Variants in ASTN2 observed in about 807,000 individuals in gnomAD.
ASTN2 encodes astrotactin-2.
In ASTN2, 54 loss-of-function variants were observed where a neutral mutation model predicts 139.8. The ratio of observed to expected loss-of-function variants is 0.39; its 90% CI spans 0.31 to 0.48. ASTN2 has a LOEUF of 0.48. ASTN2 is among the 20% of genes least tolerant of loss of function. The probability of loss-of-function intolerance (pLI) is 0.95; values close to 1 mark genes in which losing one functional copy is unlikely to be tolerated. For synonymous variants in ASTN2, 756 were observed against 719.5 expected (o/e 1.05, Z -0.81); for missense variants, 1,565 against 1,725.1 (o/e 0.91, Z 1.64).
intron 21 of ASTN2, 69 bp downstream of exon 21, chr9:116,442,384 T>C (rs1847866289): frequency 8.3e-7 from 1 of 1,206,626 alleles, no homozygotes; most frequent in African/African-American, 1.5e-5. Flanking sequence ...TAATGATTAG[T>C]GACTGTTGGG....
intron 17 of ASTN2, among the ~76,000 whole-genome samples, chr9:116,650,564 A>T (rs999354520): frequency 2.6e-5 from 4 of 152,196 alleles, no homozygotes; most frequent in Non-Finnish European, 5.9e-5. Context: ...AATGTCAGCA[A>T]TTTCATATGA....
At chr9:117,369,418 G>C (rs1324238800) in intron 1 of ASTN2, among the ~76,000 whole-genome samples, 1 of 151,932 alleles carries the variant, frequency 6.6e-6, no homozygotes, top group Non-Finnish European at 1.5e-5. Context: ...TACTCTTTAC[G>C]ATAACCCTGC....
chr9:117,362,095 C>A (rs1477562914), intron 1 of ASTN2, among the ~76,000 whole-genome samples: 1 of 152,180 alleles, frequency 6.6e-6, no homozygotes, highest in African/African-American at 2.4e-5. Flanking sequence ...CTGCCTTAGC[C>A]TCCCAAGTGG....
At position 117,279,598 on chromosome 9, in the gene ASTN2, A is replaced by G. The variant is rs145408688; in HGVS notation, c.630+11728T>C. Reference sequence around the variant, plus strand: ...TCCAGGCAGTTCTGTCCCAAAGTCAACATTCTTGTTTTGGGTTTTAGCCTT... The same window carrying G: ...TCCAGGCAGTTCTGTCCCAAAGTCAGCATTCTTGTTTTGGGTTTTAGCCTT... On this transcript the variant is annotated intron_variant, in intron 2 of 22. Coordinates refer to ENST00000313400, the MANE Select transcript of ASTN2 (RefSeq NM_001365068.1). Among the ~76,000 whole-genome samples, 490 of 152,346 alleles carry G rather than the reference A, an allele frequency of 3.2e-3. 2 individuals are homozygous for G. Among genetic ancestry groups the G allele is most frequent in the Middle Eastern group, 0.02 (6 of 294 alleles).
intron 1 of ASTN2, among the ~76,000 whole-genome samples, chr9:117,384,072 G>A (rs985978982): frequency 6.6e-6 from 1 of 152,198 alleles, no homozygotes; most frequent in East Asian, 1.9e-4. Flanking sequence ...GCCAGCTGCA[G>A]TGCTACCTGG....
At chr9:116,790,677 ATTTT>A (rs372460577) in intron 13 of ASTN2, among the ~76,000 whole-genome samples, 3 of 138,214 alleles carry the variant, frequency 2.2e-5, no homozygotes, top group Non-Finnish European at 4.7e-5. Flanking sequence ...ATCTCCAGAG[ATTTT>A]TTTTTTTTTT....
In ASTN2 at chr9:116,620,447, G is replaced by C; in HGVS notation, c.3073-4C>G. 1 of 1,612,732 alleles carries C rather than the reference G, an allele frequency of 6.2e-7. No homozygotes were observed. The highest frequency in any genetic ancestry group is 8.5e-7 in the Non-Finnish European group (1 of 1,179,674). On this transcript the variant is annotated splice_polypyrimidine_tract_variant and splice_region_variant and intron_variant, in intron 17 of 22. Transcript: ENST00000313400. The stretch of plus-strand genomic sequence containing the variant: ...TCATCAGTGCACTCTTGAAGGCCTG[G>C]ACAAAAAAAGAGGACAGAATAGACA...
intron 10 of ASTN2, among the ~76,000 whole-genome samples, chr9:116,929,250 G>C (rs910550636): frequency 6.6e-6 from 1 of 152,136 alleles, no homozygotes; most frequent in South Asian, 2.1e-4. Context: ...GAGAAGAGGC[G>C]GAAGTGTGGC....
chr9:116,767,539 G>A (rs1829842663), intron 13 of ASTN2, among the ~76,000 whole-genome samples: 1 of 152,198 alleles, frequency 6.6e-6, no homozygotes, highest in Non-Finnish European at 1.5e-5. Context: ...TAATAGCACA[G>A]TAACAAGGAG....
Position 116,568,196 on chromosome 9 carries a change from CA to C in ASTN2, c.3355+50127del, listed in dbSNP as rs548033789. Among the ~76,000 whole-genome samples the C allele has an allele frequency of 4.9e-3, 737 of 151,564 alleles. 5 individuals carry two copies. Among genetic ancestry groups the C allele is most frequent in the African/African-American group, 0.017 (715 of 41,342 alleles). ...CCAGGATATTAGAAAATGTATAATG[CA>C]AAAAAAATTAAGAAATGATTCTGAG... On this transcript the variant is annotated intron_variant, in intron 19 of 22. Transcript: ENST00000313400.
chr9:116,490,265 TAAAAAGTAAAAAAAAAA>T lies in ASTN2; in HGVS notation c.3356-2782_3356-2766del, dbSNP rs1391210482. ...ACAAATTCCAGAGCAATGTATGTGA[TAAAAAGTAAAAAAAAAA>T]AAAAAAAAAAAAAAAAAAAAAGGGG... On this transcript the variant is annotated intron_variant, in intron 19 of 22. Coordinates refer to ENST00000313400, the MANE Select transcript of ASTN2 (RefSeq NM_001365068.1). 1.4e-4 allele frequency among the ~76,000 whole-genome samples: 5 copies of T among 36,510 alleles called. No homozygotes were observed. In the South Asian group the frequency reaches 3.8e-3, roughly 28 times the overall value. The allele number at this position is 36,510 out of a possible 152,430, so 24.0% of individuals were successfully genotyped here.
intron 3 of ASTN2, among the ~76,000 whole-genome samples, chr9:117,145,312 G>T (rs1291542725): frequency 6.6e-6 from 1 of 152,160 alleles, no homozygotes; most frequent in Non-Finnish European, 1.5e-5. Flanking sequence ...TGCTGGCAGA[G>T]CAGAGGCAGC....
At chr9:116,662,826 C>CA (rs1858639240) in intron 16 of ASTN2, among the ~76,000 whole-genome samples, 1 of 152,104 alleles carries the variant, frequency 6.6e-6, no homozygotes, top group Admixed American at 6.6e-5. Context: ...ATCCTCACAA[C>CA]AGTGCCTTGG....
intron 11 of ASTN2, among the ~76,000 whole-genome samples, chr9:116,853,461 A>G (rs1536427): frequency 0.81 from 122,491 of 152,090 alleles, 49,438 homozygotes; most frequent in East Asian, 0.96. Context: ...GCTTGGCACA[A>G]CCACTAAAAG....
intron 10 of ASTN2, among the ~76,000 whole-genome samples, chr9:116,912,268 C>T (rs1057187641): frequency 9.2e-5 from 14 of 152,244 alleles, no homozygotes; most frequent in African/African-American, 3.1e-4. Context: ...AAACCACTTT[C>T]TGTCTCAAAC....
At chr9:116,430,042 G>A (rs780283067) in intron 22 of ASTN2, among the ~76,000 whole-genome samples, 2 of 152,146 alleles carry the variant, frequency 1.3e-5, no homozygotes, top group Non-Finnish European at 2.9e-5. Flanking sequence ...AGCTTGGCAG[G>A]GATCAGACCA....
chr9:117,382,418 T>C (rs1357917959), intron 1 of ASTN2, among the ~76,000 whole-genome samples: 2 of 152,224 alleles, frequency 1.3e-5, no homozygotes. Flanking sequence ...TATCCATGTT[T>C]CTTTTTATGC....
intron 11 of ASTN2, among the ~76,000 whole-genome samples, chr9:116,840,152 G>A (rs1832164858): frequency 6.7e-6 from 1 of 148,216 alleles, no homozygotes; most frequent in Admixed American, 6.7e-5. Context: ...ATTCAACCCT[G>A]AGTGGATACA....
intron 10 of ASTN2, among the ~76,000 whole-genome samples, chr9:116,866,929 G>A (rs1833027592): frequency 6.8e-6 from 1 of 147,250 alleles, no homozygotes; most frequent in African/African-American, 2.5e-5. Flanking sequence ...AGGGACCTGA[G>A]AAAGTGAGAG....
Sources: gnomAD v4.1 joint callset for allele counts (sites outside exome capture counted in the v4.1 genomes callset) on GRCh38, gnomAD v4.1.1 for gene constraint, MANE v1.5 for transcripts, NCBI Gene and HGNC (gene_info 2026-07-23, HGNC 2026-07-21) for gene names.